MLIP: variants seen among roughly 807,000 people sequenced by gnomAD.
The protein encoded by MLIP is muscular LMNA interacting protein.
A neutral mutation model predicts 84.8 loss-of-function variants in MLIP; 79 were observed. That is an observed-to-expected ratio of 0.93 (90% confidence interval 0.78 to 1.12). The LOEUF (loss-of-function observed/expected upper bound fraction) is 1.12, where lower values mean the gene tolerates loss of function less well. MLIP is among the 50% of genes most tolerant of loss of function. The probability of loss-of-function intolerance (pLI) is 0.00; values close to 1 mark genes in which losing one functional copy is unlikely to be tolerated. For missense variants in MLIP, 1,257 were observed against 1,160.6 expected, an observed-to-expected ratio of 1.08 and a Z score of -1.21; for synonymous variants, 504 against 463.0, an observed-to-expected ratio of 1.09 and a Z score of -1.14.
chr6:54,057,390 T>C (rs554620693), intron 1 of MLIP, among the ~76,000 whole-genome samples: 5 of 152,350 alleles, frequency 3.3e-5, no homozygotes, highest in African/African-American at 9.6e-5. Context: ...CAGAATATTC[T>C]TAACTATTAC....
chr6:54,191,488 G>T (rs1277799968), intron 10 of MLIP, among the ~76,000 whole-genome samples: 1 of 152,158 alleles, frequency 6.6e-6, no homozygotes, highest in Admixed American at 6.5e-5. Flanking sequence ...GGGCAATATA[G>T]TATAGTTGAA....
intron 1 of MLIP, among the ~76,000 whole-genome samples, chr6:54,052,288 G>A (rs1381326317): frequency 6.6e-6 from 1 of 152,106 alleles, no homozygotes; most frequent in Non-Finnish European, 1.5e-5. Flanking sequence ...AATTGGACCA[G>A]GACCAATGGC....
intron 1 of MLIP, among the ~76,000 whole-genome samples, chr6:54,062,249 T>C (rs1247908250): frequency 1.3e-5 from 2 of 152,210 alleles, no homozygotes; most frequent in Non-Finnish European, 2.9e-5. Context: ...TCATTATTCC[T>C]AAATGAGTTG....
intron 1 of MLIP, among the ~76,000 whole-genome samples, chr6:54,045,083 T>C (rs1401211691): frequency 3.3e-5 from 5 of 152,016 alleles, no homozygotes; most frequent in African/African-American, 9.7e-5. Flanking sequence ...GCACGGTAGC[T>C]CATGCCTGAA....
upstream of MLIP, among the ~76,000 whole-genome samples, chr6:54,107,369 CT>C (rs1355910717): frequency 6.6e-6 from 1 of 152,148 alleles, no homozygotes. Context: ...CAAATTTAGA[CT>C]GTAATGGAAT....
intron 1 of MLIP, among the ~76,000 whole-genome samples, chr6:54,082,267 T>G (rs1036869270): frequency 2.0e-5 from 3 of 152,232 alleles, no homozygotes. Context: ...ATAATTTTCT[T>G]ATTTTCCTAT....
intron 1 of MLIP, among the ~76,000 whole-genome samples, chr6:54,090,691 G>A (rs1445215751): frequency 2.0e-5 from 3 of 150,552 alleles, no homozygotes; most frequent in African/African-American, 7.4e-5. Context: ...GTGTGAGACA[G>A]AGAAAGAGAG....
At chr6:54,162,745 A>G (rs560775196) in intron 8 of MLIP, among the ~76,000 whole-genome samples, 2 of 152,054 alleles carry the variant, frequency 1.3e-5, no homozygotes, top group East Asian at 3.9e-4. Flanking sequence ...TCAATTTTAG[A>G]CAAGGATGAG....
chr6:54,117,140 T>C (rs1243743794), intron 1 of MLIP, among the ~76,000 whole-genome samples: 2 of 151,318 alleles, frequency 1.3e-5, no homozygotes, highest in Non-Finnish European at 1.5e-5. Context: ...GCTAACATAT[T>C]GAATGGGGAA....
intron 4 of MLIP, among the ~76,000 whole-genome samples, chr6:54,143,197 G>A (rs4715443): frequency 7.4e-5 from 11 of 148,950 alleles, no homozygotes; most frequent in Middle Eastern, 3.5e-3. Context: ...CTCTAACCCC[G>A]CACTCCCTGG....
At chr6:54,173,117 C>T (rs777389508) in intron 9 of MLIP, among the ~76,000 whole-genome samples, 9 of 151,616 alleles carry the variant, frequency 5.9e-5, no homozygotes, top group South Asian at 2.1e-4. Flanking sequence ...TTGGCTATCT[C>T]ATTTAAACCA....
intron 5 of MLIP, among the ~76,000 whole-genome samples, chr6:54,150,023 A>G: frequency 6.6e-6 from 1 of 152,122 alleles, no homozygotes; most frequent in East Asian, 1.9e-4. Flanking sequence ...GGTGTTTCAA[A>G]GACTATCATT....
intron 9 of MLIP, among the ~76,000 whole-genome samples, chr6:54,181,332 A>C (rs1174906824): frequency 6.6e-6 from 1 of 152,104 alleles, no homozygotes; most frequent in Non-Finnish European, 1.5e-5. Context: ...CTGGGCCACC[A>C]CTGATGTTCA....
intron 1 of MLIP, among the ~76,000 whole-genome samples, chr6:54,095,717 G>A (rs1233176542): frequency 6.6e-6 from 1 of 152,208 alleles, no homozygotes; most frequent in Non-Finnish European, 1.5e-5. Flanking sequence ...TGAGCTTCGA[G>A]TGAAAGAGCT....
At chr6:54,108,930 C>A (rs1394689722), upstream of MLIP, among the ~76,000 whole-genome samples, 1 of 151,854 alleles carries the variant, frequency 6.6e-6, no homozygotes, top group Non-Finnish European at 1.5e-5. Context: ...TGACAAAAAT[C>A]TGGACTGTCA....
chr6:54,082,249 G>A (rs1164735221), intron 1 of MLIP, among the ~76,000 whole-genome samples: 2 of 151,938 alleles, frequency 1.3e-5, no homozygotes, highest in Non-Finnish European at 2.9e-5. Flanking sequence ...CTGTTGATGG[G>A]CATTTAGATA....
chr6:54,223,319 A>AAAAACAT (rs10636461), intron 11 of MLIP, among the ~76,000 whole-genome samples: 2 of 151,654 alleles, frequency 1.3e-5, no homozygotes, highest in Admixed American at 6.6e-5. Context: ...AACAAACAAA[A>AAAAACAT]TACCCACAAC....
chr6:54,118,727 C>A (rs1770172252), intron 1 of MLIP, among the ~76,000 whole-genome samples: 1 of 152,030 alleles, frequency 6.6e-6, no homozygotes. Flanking sequence ...AGTGAGGAGA[C>A]AACCTACAGA....
At chr6:54,258,837 C>T (rs1783196452) in intron 13 of MLIP, among the ~76,000 whole-genome samples, 1 of 151,980 alleles carries the variant, frequency 6.6e-6, no homozygotes, top group Non-Finnish European at 1.5e-5. Context: ...TCTCCACAAT[C>T]AGAAATTGAA....
Sources: allele counts gnomAD v4.1 joint callset (sites outside exome capture counted in the v4.1 genomes callset), GRCh38; gene constraint gnomAD v4.1.1; transcripts MANE v1.5; gene names NCBI Gene and HGNC (gene_info 2026-07-23, HGNC 2026-07-21).